The following LEPR variants were observed in gnomAD, a reference collection of about 807,000 sequenced individuals.
The protein encoded by LEPR is OB receptor.
Under a neutral mutation model 114.7 loss-of-function variants are expected in LEPR, and 56 were observed. The ratio of observed to expected loss-of-function variants is 0.49; its 90% CI spans 0.39 to 0.61. LEPR has a LOEUF of 0.61. LEPR is among the 20% of genes least tolerant of loss of function. The pLI is 0.00. For synonymous variants in LEPR, 443 were observed against 461.4 expected, an observed-to-expected ratio of 0.96 and a Z score of 0.51; for missense variants, 1,202 against 1,352.9, an observed-to-expected ratio of 0.89 and a Z score of 1.75.
At chr1:65,440,530 C>T (rs1042925747) in intron 2 of LEPR, among the ~76,000 whole-genome samples, 1 of 151,944 alleles carries the variant, frequency 6.6e-6, no homozygotes. Flanking sequence ...GATACAGTGC[C>T]CAAGAAAGGC....
At chr1:65,445,497 G>A (rs1475186639) in intron 2 of LEPR, among the ~76,000 whole-genome samples, 2 of 152,156 alleles carry the variant, frequency 1.3e-5, no homozygotes, top group Non-Finnish European at 2.9e-5. Context: ...ACATCACTGG[G>A]TGCTGGCTGT....
At chr1:65,587,052 G>A (rs1655361758) in intron 5 of LEPR, among the ~76,000 whole-genome samples, 1 of 151,986 alleles carries the variant, frequency 6.6e-6, no homozygotes, top group Admixed American at 6.6e-5. Flanking sequence ...AGAAAAGGAT[G>A]GCTTTGGCAA....
At chr1:65,569,874 A>T (rs1210264220) in intron 3 of LEPR, among the ~76,000 whole-genome samples, 1 of 152,044 alleles carries the variant, frequency 6.6e-6, no homozygotes, top group East Asian at 1.9e-4. Context: ...TTTTTGTGTA[A>T]TGTGCTAAGG....
intron 5 of LEPR, among the ~76,000 whole-genome samples, chr1:65,578,067 C>T (rs764945805): frequency 6.7e-4 from 102 of 151,190 alleles, no homozygotes; most frequent in Non-Finnish European, 9.6e-4. Flanking sequence ...GTTTGTTTTT[C>T]GGTTCCTGTG....
chr1:65,542,040 A>G (rs1437283606), intron 2 of LEPR, among the ~76,000 whole-genome samples: 1 of 152,214 alleles, frequency 6.6e-6, no homozygotes, highest in African/African-American at 2.4e-5. Flanking sequence ...GAAAGCCCAA[A>G]TTATGCTTAT....
rs748903074 is a variant in LEPR, at chr1:65,572,424, T to G, written c.469T>G (p.Tyr157Asp). 12 of 1,579,266 alleles carry G rather than the reference T, an allele frequency of 7.6e-6. No individual in the cohort carries two copies. Among genetic ancestry groups the G allele is most frequent in the Non-Finnish European group, 8.6e-6 (10 of 1,157,910 alleles). Reference protein sequence around the residue: ...LFKNLFRNYNYKVHLLYVLPE... With the variant: ...LFKNLFRNYNDKVHLLYVLPE... ...TAAGAATCTATTCAGGAATTATAAC[T>G]ATAAGGTCCATCTTTTATATGTTCT... The change falls in exon 5 of 20, where the codon TAT (tyrosine) becomes GAT (aspartate). Residue 157 changes from tyrosine to aspartate, a missense_variant. Coordinates refer to ENST00000349533, the MANE Select transcript of LEPR (RefSeq NM_002303.6).
At chr1:65,435,949 C>A in intron 2 of LEPR, 1 of 985,148 alleles carries the variant, frequency 1.0e-6, no homozygotes, top group African/African-American at 1.7e-5. Context: ...ACATGTAACC[C>A]CAAATGTGAT....
At chr1:65,474,022 A>G (rs1301005716) in intron 2 of LEPR, among the ~76,000 whole-genome samples, 1 of 152,208 alleles carries the variant, frequency 6.6e-6, no homozygotes, top group Admixed American at 6.5e-5. Context: ...TATTTTCAGT[A>G]TCTTTATCCA....
rs1014769030 is a variant in LEPR at position 65,575,267 on chromosome 1, C to A, written c.494+2818C>A. On this transcript the variant is annotated intron_variant, in intron 5 of 19. Transcript: ENST00000349533. ...GAACTATGGTTTGCAGAGTTCCAGC[C>A]CCAGCATGGTGAAACAGAGCATAGG... 1.3e-5 allele frequency among the ~76,000 whole-genome samples: 2 copies of A among 151,624 alleles called. 1 individual carries two copies. The highest frequency in any genetic ancestry group is 4.9e-5 in the African/African-American group (2 of 41,004).
intron 2 of LEPR, among the ~76,000 whole-genome samples, chr1:65,461,093 A>G (rs1441092438): frequency 6.7e-6 from 1 of 150,280 alleles, no homozygotes; most frequent in Non-Finnish European, 1.5e-5. Flanking sequence ...CTCCTGTCTC[A>G]GCCTCCCGAG....
At chr1:65,549,706 A>G (rs1326045684) in intron 2 of LEPR, among the ~76,000 whole-genome samples, 1 of 151,966 alleles carries the variant, frequency 6.6e-6, no homozygotes, top group Non-Finnish European at 1.5e-5. Flanking sequence ...TTCTAGTTAT[A>G]CATTTGTCTA....
At chr1:65,624,499 G>C (rs1005392268) in intron 19 of LEPR, among the ~76,000 whole-genome samples, 1 of 151,606 alleles carries the variant, frequency 6.6e-6, no homozygotes, top group Non-Finnish European at 1.5e-5. Context: ...TTTCTTCTTC[G>C]CCATGACCCA....
chr1:65,598,370 G>A (rs1311002793), intron 7 of LEPR, among the ~76,000 whole-genome samples: 1 of 151,952 alleles, frequency 6.6e-6, no homozygotes, highest in Non-Finnish European at 1.5e-5. Context: ...ACAGATTTTA[G>A]CTGCATTTCT....
intron 2 of LEPR, among the ~76,000 whole-genome samples, chr1:65,439,492 C>A (rs1646618575): frequency 6.6e-6 from 1 of 152,132 alleles, no homozygotes; most frequent in African/African-American, 2.4e-5. Context: ...ATGGGCAAGA[C>A]AAATAATTTT....
chr1:65,525,700 G>C, intron 2 of LEPR: 3 of 985,606 alleles, frequency 3.0e-6, no homozygotes, highest in Non-Finnish European at 3.6e-6. Context: ...CCTTGGGCGA[G>C]GAGTTCGGAG....
chr1:65,498,871 A>G (rs1228883930), intron 2 of LEPR, among the ~76,000 whole-genome samples: 1 of 152,148 alleles, frequency 6.6e-6, no homozygotes, highest in African/African-American at 2.4e-5. Flanking sequence ...CTTTTATCAA[A>G]CATAGAAGAA....
intron 11 of LEPR, among the ~76,000 whole-genome samples, chr1:65,607,948 T>C (rs760588924): frequency 6.6e-6 from 1 of 152,208 alleles, no homozygotes; most frequent in South Asian, 2.1e-4. Context: ...TATGTACATA[T>C]ACGTATCTAT....
chr1:65,437,911 G>T (rs1298819899), intron 2 of LEPR, among the ~76,000 whole-genome samples: 2 of 151,830 alleles, frequency 1.3e-5, no homozygotes, highest in Non-Finnish European at 2.9e-5. Context: ...GAGCGCAAGG[G>T]TTCCTCCCAC....
intron 2 of LEPR, among the ~76,000 whole-genome samples, chr1:65,464,558 T>C (rs1487940183): frequency 6.6e-6 from 1 of 152,222 alleles, no homozygotes; most frequent in Non-Finnish European, 1.5e-5. Flanking sequence ...TTAGGGAGGA[T>C]ATCCTCTTTT....
Sources: allele counts gnomAD v4.1 joint callset (sites outside exome capture counted in the v4.1 genomes callset), GRCh38; gene constraint gnomAD v4.1.1; transcripts MANE v1.5; gene names NCBI Gene and HGNC (gene_info 2026-07-23, HGNC 2026-07-21).